Variants in TSEN15 observed in about 807,000 individuals in gnomAD.
TSEN15 encodes the protein tRNA splicing endonuclease subunit 15.
Under a neutral mutation model 20.5 loss-of-function variants are expected in TSEN15, and 10 were observed. The ratio of observed to expected loss-of-function variants is 0.49; its 90% CI spans 0.30 to 0.83. TSEN15 has a LOEUF of 0.83. Ranked by LOEUF, TSEN15 falls within the 40% of genes least tolerant of loss-of-function variation. The pLI, the probability that TSEN15 is intolerant of heterozygous loss-of-function variation, is 0.06. For missense variants in TSEN15, 180 were observed against 218.6 expected (o/e 0.82, Z 1.11); for synonymous variants, 72 against 80.1 (o/e 0.90, Z 0.54).
At chr1:184,082,313 A>G (rs1651185307) in intron 3 of TSEN15, among the ~76,000 whole-genome samples, 1 of 152,010 alleles carries the variant, frequency 6.6e-6, no homozygotes, top group South Asian at 2.1e-4. Flanking sequence ...AGCACTTGGA[A>G]AATATTTGGT....
intron 3 of TSEN15, among the ~76,000 whole-genome samples, chr1:184,089,679 C>T (rs778977165): frequency 1.3e-5 from 2 of 151,334 alleles, no homozygotes; most frequent in Non-Finnish European, 2.9e-5. Context: ...TACTAGATAG[C>T]ATGCGGAAAA....
chr1:184,075,691 A>AAC (rs1651045583), downstream of TSEN15, among the ~76,000 whole-genome samples: 1 of 152,086 alleles, frequency 6.6e-6, no homozygotes, highest in Non-Finnish European at 1.5e-5. Context: ...GGTACTCTTG[A>AAC]AAATTTATTT....
At chr1:184,062,129 A>T (rs1336641057) in intron 3 of TSEN15, among the ~76,000 whole-genome samples, 1 of 152,112 alleles carries the variant, frequency 6.6e-6, no homozygotes. Flanking sequence ...AATTTTGCTG[A>T]TGGAGTATGA....
chr1:184,084,635 A>G (rs10911506), intron 3 of TSEN15, among the ~76,000 whole-genome samples: 110,868 of 151,534 alleles, frequency 0.73, 40,753 homozygotes, highest in African/African-American at 0.77. Context: ...ATTTCTTGAC[A>G]CTGGGAAGCT....
At chr1:184,089,685 G>GA in intron 3 of TSEN15, among the ~76,000 whole-genome samples, 1 of 151,814 alleles carries the variant, frequency 6.6e-6, no homozygotes, top group African/African-American at 2.4e-5. Context: ...ATAGCATGCG[G>GA]AAAAAACAGT....
intron 3 of TSEN15, chr1:184,070,657 C>T: frequency 7.8e-7 from 1 of 1,290,078 alleles, no homozygotes; most frequent in Non-Finnish European, 1.0e-6. Flanking sequence ...TACTTAGCTA[C>T]ATTAAAAGAT....
downstream of TSEN15, among the ~76,000 whole-genome samples, chr1:184,076,997 C>T (rs1327181344): frequency 5.9e-5 from 9 of 152,032 alleles, no homozygotes; most frequent in East Asian, 1.7e-3. Flanking sequence ...AGTAAATTAT[C>T]AAAAAATCTA....
chr1:184,075,090 C>T (rs1024389565), downstream of TSEN15, among the ~76,000 whole-genome samples: 43 of 152,108 alleles, frequency 2.8e-4, no homozygotes, highest in African/African-American at 9.2e-4. Context: ...ATTTGTGTGT[C>T]GGATCTGTTG....
At chr1:184,079,158 A>G (rs1651117831), downstream of TSEN15, among the ~76,000 whole-genome samples, 1 of 152,128 alleles carries the variant, frequency 6.6e-6, no homozygotes, top group Non-Finnish European at 1.5e-5. Flanking sequence ...AACTGCTTGT[A>G]CTCACTAAGG....
At chr1:184,080,844 T>C (rs10911505) in intron 3 of TSEN15, among the ~76,000 whole-genome samples, 45,758 of 152,002 alleles carry the variant, frequency 0.3, 7,656 homozygotes, top group East Asian at 0.58. Flanking sequence ...TCAATGATCT[T>C]GCACCCCAAG....
downstream of TSEN15, among the ~76,000 whole-genome samples, chr1:184,076,731 C>T (rs551144701): frequency 4.6e-5 from 7 of 152,180 alleles, no homozygotes; most frequent in South Asian, 1.5e-3. Context: ...GTGAAACAGC[C>T]TTATTGTTGA....
Position 184,072,192 on chromosome 1 carries a change from A to C in TSEN15, c.389A>C (p.Gln130Pro). The C allele has an allele frequency of 1.2e-6, 2 of 1,613,572 alleles. No individual in the cohort carries two copies. The highest frequency in any genetic ancestry group is 1.7e-6 in the Non-Finnish European group (2 of 1,179,678). The change falls in exon 4 of 5, where the codon CAA (glutamine) becomes CCA (proline). Residue 130 changes from glutamine to proline, a missense_variant. Transcript: ENST00000645668. ...ATCTTGAAGGCATCTCGAAAGTTGC[A>C]AGGTGATCCAGATTTGCCGATGTCT... ...REILKASRKLQGDPDLPMSFT... is the reference protein window; with the variant it reads ...REILKASRKLPGDPDLPMSFT...
At chr1:184,080,954 G>A (rs1651155559) in intron 3 of TSEN15, among the ~76,000 whole-genome samples, 1 of 152,132 alleles carries the variant, frequency 6.6e-6, no homozygotes, top group African/African-American at 2.4e-5. Context: ...CATTTTGTTA[G>A]CACCTTCATG....
In TSEN15 at chr1:184,054,338, A is replaced by G; in HGVS notation, c.136-16A>G. ...ATTTTTTCTTCTCAATTTGACAATT[A>G]TATTTTAATTTTCAGTATCTAGAAA... On this transcript the variant is annotated splice_polypyrimidine_tract_variant and intron_variant, in intron 1 of 4. Transcript: ENST00000645668. 9.6e-6 allele frequency: 14 copies of G among 1,456,388 alleles called. No homozygotes were observed. The highest frequency in any genetic ancestry group is 2.4e-5 in the South Asian group (2 of 81,776). The allele number at this position is 1,456,388 out of a possible 1,614,324, so 90.2% of individuals were successfully genotyped here.
downstream of TSEN15, among the ~76,000 whole-genome samples, chr1:184,078,743 A>G (rs1372591057): frequency 1.3e-5 from 2 of 152,204 alleles, no homozygotes; most frequent in Non-Finnish European, 2.9e-5. Flanking sequence ...AGAATAGAAG[A>G]GTAATCTGCA....
intron 3 of TSEN15, among the ~76,000 whole-genome samples, chr1:184,082,238 G>C (rs965983203): frequency 1.3e-5 from 2 of 152,106 alleles, no homozygotes; most frequent in African/African-American, 4.8e-5. Context: ...ACAGGTAGTG[G>C]CTGAATTGGG....
rs752992661 is a variant in TSEN15, at chr1:184,054,434, A to G, written c.216A>G (p.Glu72=). 6.2e-7 allele frequency: 1 copy of G among 1,607,026 alleles called. No individual in the cohort carries two copies. Among genetic ancestry groups the G allele is most frequent in the Non-Finnish European group, 8.5e-7 (1 of 1,173,934 alleles). ...TCTTGGTTTACCTGGACCTCATGGA[A>G]AGTAAGTTGTTTGTTTATATTGTTT... ...VAFLVYLDLM[E]SKSWHEVNCV... Residue 72 remains glutamate, a splice_region_variant and synonymous_variant, in exon 2 of 5, where the codon GAA becomes GAG. Coordinates refer to ENST00000645668, the MANE Select transcript of TSEN15 (RefSeq NM_052965.4).
intron 3 of TSEN15, among the ~76,000 whole-genome samples, chr1:184,089,808 C>G (rs947463766): frequency 3.3e-5 from 5 of 152,004 alleles, no homozygotes; most frequent in African/African-American, 1.2e-4. Context: ...GTTTCATGTG[C>G]ATTTCCCTTG....
At chr1:184,085,660 C>T (rs778469775) in intron 3 of TSEN15, among the ~76,000 whole-genome samples, 32 of 152,266 alleles carry the variant, frequency 2.1e-4, no homozygotes, top group African/African-American at 6.5e-4. Flanking sequence ...ACCAGCCTTG[C>T]GGGCAAAGGG....
Sources: allele counts gnomAD v4.1 joint callset (sites outside exome capture counted in the v4.1 genomes callset), GRCh38; gene constraint gnomAD v4.1.1; transcripts MANE v1.5; gene names NCBI Gene and HGNC (gene_info 2026-07-23, HGNC 2026-07-21).